Variants in NCOR2 observed in about 807,000 individuals in gnomAD.
NCOR2 encodes CTG repeat protein 26.
Under a neutral mutation model 262.9 loss-of-function variants are expected in NCOR2, and 81 were observed. The observed-to-expected ratio is 0.31, with a 90% confidence interval of 0.26 to 0.37. NCOR2 has a LOEUF of 0.37. Ranked by LOEUF, NCOR2 falls within the 10% of genes least tolerant of loss-of-function variation. The pLI, the probability that NCOR2 is intolerant of heterozygous loss-of-function variation, is 1.00. For missense variants in NCOR2, 3,385 were observed against 3,621.4 expected (o/e 0.93, Z 1.68); for synonymous variants, 1,659 against 1,559.3 (o/e 1.06, Z -1.51).
At chr12:124,406,471 C>T (rs1410817180) in intron 13 of NCOR2, among the ~76,000 whole-genome samples, 3 of 152,196 alleles carry the variant, frequency 2.0e-5, no homozygotes, top group Non-Finnish European at 4.4e-5. Context: ...CCTTGTCTCA[C>T]AAGGCACATA....
chr12:124,330,028 A>C (rs992195862), intron 44 of NCOR2, among the ~76,000 whole-genome samples: 1 of 152,202 alleles, frequency 6.6e-6, no homozygotes, highest in Admixed American at 6.5e-5. Flanking sequence ...TAATATCTGA[A>C]CGACTATCCT....
At chr12:124,423,097 TA>T (rs1488918353) in intron 11 of NCOR2, among the ~76,000 whole-genome samples, 2 of 152,170 alleles carry the variant, frequency 1.3e-5, no homozygotes, top group Admixed American at 6.5e-5. Context: ...AGCATGGACT[TA>T]AGTCGGAGGG....
At chr12:124,436,128 C>T (rs573188712) in intron 8 of NCOR2, among the ~76,000 whole-genome samples, 11 of 152,350 alleles carry the variant, frequency 7.2e-5, no homozygotes, top group African/African-American at 1.7e-4. Context: ...GTAGGTGCTC[C>T]GTGACTACTG....
chr12:124,509,368 G>A (rs1194831002), intron 1 of NCOR2, among the ~76,000 whole-genome samples: 3 of 152,106 alleles, frequency 2.0e-5, no homozygotes, highest in Non-Finnish European at 2.9e-5. Context: ...ATTAGTCTCA[G>A]GCTAACAGGG....
chr12:124,459,520 A>T (rs1237642666), intron 5 of NCOR2, among the ~76,000 whole-genome samples: 1 of 152,064 alleles, frequency 6.6e-6, no homozygotes, highest in African/African-American at 2.4e-5. Context: ...AACATCTGGG[A>T]GTCGGCTGTG....
chr12:124,550,949 C>G (rs562247671), intron 1 of NCOR2, among the ~76,000 whole-genome samples: 1 of 152,252 alleles, frequency 6.6e-6, no homozygotes, highest in Non-Finnish European at 1.5e-5. Flanking sequence ...AGGAAACACA[C>G]CAAGCTCACG....
exon 24 of NCOR2, chr12:124,355,433 T>A (rs1033010310): frequency 6.2e-7 from 1 of 1,613,340 alleles, no homozygotes; most frequent in Non-Finnish European, 8.5e-7. Context: ...ACCACTCACT[T>A]GGGAGATGGC....
rs953668457 is a variant in NCOR2, at chr12:124,333,518, G to A, written c.6606-239C>T. On this transcript the variant is annotated intron_variant, in intron 41 of 46. Transcript: ENST00000405201. ...TTTTAGTTCATGAATTGTACAAACA[G>A]AGGGCCCGGGCTAGATCTGGCCCAT... Among the ~76,000 whole-genome samples the A allele has an allele frequency of 8.6e-5, 13 of 151,800 alleles. No individual in the cohort carries two copies. In the East Asian group the frequency reaches 2.5e-3, roughly 29 times the overall value.
chr12:124,425,486 C>T (rs1247456684), intron 11 of NCOR2, among the ~76,000 whole-genome samples: 2 of 151,886 alleles, frequency 1.3e-5, no homozygotes, highest in Admixed American at 6.6e-5. Flanking sequence ...TGGCCCAAGA[C>T]ATTTCTTTTT....
At chr12:124,352,716 T>C (rs2037594729) in intron 27 of NCOR2, among the ~76,000 whole-genome samples, 1 of 152,226 alleles carries the variant, frequency 6.6e-6, no homozygotes, top group Non-Finnish European at 1.5e-5. Flanking sequence ...TTCAGGGACA[T>C]GGACAGAGAA....
rs1250862749 is a variant in NCOR2, at chr12:124,523,462, C to A, written c.-118+12103G>T. Among the ~76,000 whole-genome samples, 1 of 152,170 alleles carries A rather than the reference C, an allele frequency of 6.6e-6. No homozygotes were observed. The highest frequency in any genetic ancestry group is 2.4e-5 in the African/African-American group (1 of 41,426). On this transcript the variant is annotated intron_variant, in intron 1 of 46. Transcript: ENST00000404621. This position sits in a 1 kb window ranked among gnomAD's most constrained non-coding sequence, Gnocchi z 4.0. ...TCCCAGGGACCTAACCCGGGAAGGA[C>A]ACATCACGCCGGCCAGCATCACCCA... is the stretch of plus-strand genomic sequence containing the variant.
Position 124,509,542 on chromosome 12 carries a change from G to A in NCOR2, c.-117-14174C>T, listed in dbSNP as rs1020808690. Reference sequence around the variant, plus strand: ...TCCTAAAACACAAACTCTCAGATAGGATCTCCCTGGAATCAGATCTCTTCC... The same window carrying A: ...TCCTAAAACACAAACTCTCAGATAGAATCTCCCTGGAATCAGATCTCTTCC... On this transcript the variant is annotated intron_variant, in intron 1 of 46. Coordinates refer to the NCOR2 transcript ENST00000404621. 1.1e-4 allele frequency among the ~76,000 whole-genome samples: 16 copies of A among 152,278 alleles called. No homozygotes were observed. In the Middle Eastern group the frequency reaches 0.014, roughly 129 times the overall value.
At chr12:124,521,813 C>A (rs2050206421) in intron 1 of NCOR2, among the ~76,000 whole-genome samples, 1 of 152,132 alleles carries the variant, frequency 6.6e-6, no homozygotes. Context: ...AGGCCAGGAG[C>A]TCAAGACCAG....
intron 21 of NCOR2, among the ~76,000 whole-genome samples, chr12:124,362,661 G>A (rs971747705): frequency 6.6e-6 from 1 of 150,666 alleles, no homozygotes; most frequent in Non-Finnish European, 1.5e-5. Flanking sequence ...GCCTGGTGGT[G>A]AACAGGGGGA....
At chr12:124,340,432 G>A in exon 36 of NCOR2, 1 of 1,612,510 alleles carries the variant, frequency 6.2e-7, no homozygotes, top group Non-Finnish European at 8.5e-7. Flanking sequence ...TTTGTCAAGT[G>A]TGTTGGACCT....
At position 124,343,099 on chromosome 12, in the gene NCOR2, C is replaced by G. The variant is rs201828377; in HGVS notation, c.4842G>C (p.Leu1614=). ...GGTCCACGCCACTCACGCCCCGAAG[C>G]AGGTGCTCATAGGGCGAGATGGGGT... The change falls in exon 33 of 47, where the codon CTG becomes CTC. Residue 1614 remains leucine (L), a synonymous_variant. Coordinates refer to ENST00000405201, the Ensembl canonical transcript of NCOR2. 1.2e-4 allele frequency: 192 copies of G among 1,612,498 alleles called. No homozygotes were observed. The East Asian group carries it at 4.1e-3, about 35-fold the overall frequency.
chr12:124,552,148 C>T (rs981593133), intron 1 of NCOR2, among the ~76,000 whole-genome samples: 64 of 152,220 alleles, frequency 4.2e-4, no homozygotes, highest in African/African-American at 1.5e-3. Flanking sequence ...AATGACACCT[C>T]ATCTCTACTA....
rs1467338394 is a variant in NCOR2, at chr12:124,481,014, C to G, written c.411+2582G>C. 6.7e-6 allele frequency among the ~76,000 whole-genome samples: 1 copy of G among 149,902 alleles called. No individual in the cohort carries two copies. Among genetic ancestry groups the G allele is most frequent in the South Asian group, 2.1e-4 (1 of 4,728 alleles). On this transcript the variant is annotated intron_variant, in intron 3 of 46. Coordinates refer to ENST00000405201, the Ensembl canonical transcript of NCOR2. The surrounding 1 kb of genome is among the most constrained non-coding windows in gnomAD (Gnocchi z 4.6). ...CCGCAGGCAGATGGGCTGGGTGGCG[C>G]TGGGTGGTGGCTGGGAGTGGCTCTG...
At chr12:124,486,375 C>T (rs896499341) in intron 2 of NCOR2, 66 bp downstream of exon 4, 4 of 1,593,178 alleles carry the variant, frequency 2.5e-6, no homozygotes, top group African/African-American at 1.3e-5. Context: ...TGCCACGGGC[C>T]TCTGCTTCTC....
Sources: allele counts gnomAD v4.1 joint callset (sites outside exome capture counted in the v4.1 genomes callset), GRCh38; gene constraint gnomAD v4.1.1; non-coding constraint Gnocchi (gnomAD v3.1); transcripts MANE v1.5; gene names NCBI Gene and HGNC (gene_info 2026-07-23, HGNC 2026-07-21).